Variants in CA1 observed in about 807,000 individuals in gnomAD.
The protein encoded by CA1 is carbonic anhydrase 1, also known as carbonate dehydratase I.
A neutral mutation model predicts 28.8 loss-of-function variants in CA1; 27 were observed. That is an observed-to-expected ratio of 0.94 (90% CI 0.69 to 1.29). The LOEUF is 1.29. CA1 is among the 50% of genes most tolerant of loss of function. CA1 has a pLI of 0.00. For missense variants in CA1, 335 were observed against 310.5 expected (o/e 1.08, Z -0.59); for synonymous variants, 121 against 108.8 (o/e 1.11, Z -0.70).
chr8:85,360,554 G>A (rs1490243498), intron 1 of CA1, among the ~76,000 whole-genome samples: 6 of 152,102 alleles, frequency 3.9e-5, no homozygotes, highest in Non-Finnish European at 8.8e-5. Flanking sequence ...TTAGCCAGGC[G>A]TGGTGGCATG....
At chr8:85,344,173 GTA>G (rs535481977) in intron 1 of CA1, among the ~76,000 whole-genome samples, 83 of 108,392 alleles carry the variant, frequency 7.7e-4, no homozygotes, top group East Asian at 4.0e-3. Context: ...ATTATATACT[GTA>G]TATAATATAT....
intron 2 of CA1, 146 bp from the exon 3 acceptor site, chr8:85,338,595 G>A: frequency 3.0e-6 from 2 of 674,916 alleles, no homozygotes; most frequent in South Asian, 1.7e-5. Flanking sequence ...GAAATTCTGT[G>A]TTTGAAGATG....
At chr8:85,347,192 G>A (rs896839067) in intron 1 of CA1, among the ~76,000 whole-genome samples, 1 of 152,140 alleles carries the variant, frequency 6.6e-6, no homozygotes, top group Non-Finnish European at 1.5e-5. Context: ...GTAATGACAT[G>A]TCTTTTCTTA....
At chr8:85,329,658 A>G in intron 7 of CA1, 31 bp downstream of exon 7, 1 of 1,581,208 alleles carries the variant, frequency 6.3e-7, no homozygotes, top group Non-Finnish European at 8.7e-7. Flanking sequence ...CCTGCTACGC[A>G]TTCCCAGTTC....
intron 1 of CA1, among the ~76,000 whole-genome samples, chr8:85,368,088 AAAG>A (rs1389856046): frequency 6.6e-6 from 1 of 151,968 alleles, no homozygotes; most frequent in African/African-American, 2.4e-5. Flanking sequence ...CAAAATATTG[AAAG>A]AAGAGAGGAC....
intron 7 of CA1, 149 bp downstream of exon 7, chr8:85,329,540 C>T: frequency 1.3e-6 from 1 of 774,454 alleles, no homozygotes; most frequent in East Asian, 2.7e-5. Flanking sequence ...GTTTAATAAA[C>T]CTATGTCCCC....
At chr8:85,349,991 G>A (rs932156069) in intron 1 of CA1, 2 of 152,168 alleles carry the variant, frequency 1.3e-5, no homozygotes, top group Non-Finnish European at 2.9e-5. Flanking sequence ...AGCAAGGTTT[G>A]AATGGAAATC....
chr8:85,354,758 G>A (rs1225885229), intron 1 of CA1, among the ~76,000 whole-genome samples: 3 of 152,152 alleles, frequency 2.0e-5, no homozygotes, highest in African/African-American at 7.2e-5. Flanking sequence ...TATAAAGAGA[G>A]AAAACAAGTT....
chr8:85,341,602 T>G lies in CA1; in HGVS notation c.34A>C (p.Asn12His), dbSNP rs1808934589. The G allele has an allele frequency of 1.3e-6, 2 of 1,589,890 alleles. No homozygotes were observed. Among genetic ancestry groups the G allele is most frequent in the African/African-American group, 2.7e-5 (2 of 74,430 alleles). Reference sequence around the variant, plus strand: ...ATATAAACAGGAGAACTCTTACCATTTTTGTCATCATATCCCCAGTCTGGA... The same window carrying G: ...ATATAAACAGGAGAACTCTTACCATGTTTGTCATCATATCCCCAGTCTGGA... The part of the protein sequence containing the change: ...ASPDWGYDDK[N>H]GPEQWSKLYP... The change falls in exon 2 of 8, where the codon AAT becomes CAT. Residue 12 changes from asparagine to histidine, a missense_variant. Physicochemically the swap from Asn to His is moderately conservative, Grantham distance 68. Coordinates refer to ENST00000523022, the MANE Select transcript of CA1 (RefSeq NM_001128831.4).
In CA1 at chr8:85,345,059, T is replaced by C. The variant is rs188740476; in HGVS notation, c.-24-3400A>G. Among the ~76,000 whole-genome samples the C allele has an allele frequency of 2.8e-3, 425 of 152,280 alleles. 1 individual carries two copies. Among genetic ancestry groups the C allele is most frequent in the Middle Eastern group, 0.01 (3 of 294 alleles). On this transcript the variant is annotated intron_variant, in intron 1 of 7. Coordinates refer to ENST00000523022, the MANE Select transcript of CA1 (RefSeq NM_001128831.4). ...TGATATTAGCCTGGACATTTCTGCA[T>C]TGAGACAACTAGAAATTCTGATTAA...
rs1808500267 is a variant in CA1, at chr8:85,333,522, C to T, written c.450+3G>A. On this transcript the variant is annotated splice_donor_region_variant and intron_variant, in intron 5 of 7. Transcript: ENST00000523022. ...CAGAGCTGTGTAATTATCTGTAACTCACCTTCATCAAAACACCAATAACTG... is the reference window on the plus strand; with the variant it reads ...CAGAGCTGTGTAATTATCTGTAACTTACCTTCATCAAAACACCAATAACTG... 6.3e-7 allele frequency: 1 copy of T among 1,588,582 alleles called. No individual in the cohort carries two copies. The highest frequency in any genetic ancestry group is 1.7e-5 in the Admixed American group (1 of 59,940).
intron 1 of CA1, among the ~76,000 whole-genome samples, chr8:85,344,080 A>AGTAT (rs1459745657): frequency 9.9e-5 from 5 of 50,650 alleles, no homozygotes; most frequent in Non-Finnish European, 1.9e-4. Flanking sequence ...CTAAACTAAA[A>AGTAT]GTATATATAT....
chr8:85,366,237 TC>T (rs1192786486), intron 1 of CA1, among the ~76,000 whole-genome samples: 1 of 148,430 alleles, frequency 6.7e-6, no homozygotes, highest in African/African-American at 2.5e-5. Context: ...GGTTTTGAAC[TC>T]CTGAGCTCAA....
chr8:85,340,585 C>G (rs930823890), intron 2 of CA1, among the ~76,000 whole-genome samples: 1 of 152,132 alleles, frequency 6.6e-6, no homozygotes, highest in Non-Finnish European at 1.5e-5. Context: ...TAAGAATACA[C>G]TTTGTAAGGC....
chr8:85,353,287 A>G (rs1052818311), intron 1 of CA1, among the ~76,000 whole-genome samples: 1 of 152,188 alleles, frequency 6.6e-6, no homozygotes, highest in Non-Finnish European at 1.5e-5. Context: ...GGATATTTTT[A>G]TTTATGATCT....
intron 1 of CA1, among the ~76,000 whole-genome samples, chr8:85,365,501 A>G (rs998004866): frequency 1.2e-4 from 19 of 152,218 alleles, no homozygotes; most frequent in African/African-American, 4.3e-4. Context: ...GGGAAGCCAA[A>G]TATGGACTTT....
chr8:85,344,195 TTATACAGTATATAATATAATTATATTA>T (rs1809049134), intron 1 of CA1, among the ~76,000 whole-genome samples: 1 of 111,284 alleles, frequency 9.0e-6, no homozygotes, highest in African/African-American at 5.2e-5. Context: ...TAATTATATA[TTATACAGTATATAATATAATTATATTA>T]TATACAGTAT....
chr8:85,364,911 G>A (rs1032042610), intron 1 of CA1, among the ~76,000 whole-genome samples: 1 of 152,216 alleles, frequency 6.6e-6, no homozygotes, highest in African/African-American at 2.4e-5. Context: ...AGAGAAAGGT[G>A]CTGAGGGTGG....
chr8:85,342,324 G>T lies in CA1; in HGVS notation c.-24-665C>A, dbSNP rs374186268. Among the ~76,000 whole-genome samples the T allele has an allele frequency of 3.3e-5, 5 of 152,092 alleles. No individual in the cohort carries two copies. The South Asian group carries it at 1.0e-3, about 32-fold the overall frequency. On this transcript the variant is annotated intron_variant, in intron 1 of 7. Coordinates refer to ENST00000523022, the MANE Select transcript of CA1 (RefSeq NM_001128831.4). ...ATCAAATAGGTCTACAAGAATAAAG[G>T]TCTTATTTTTTAATAGCTCTATATA...
Sources: gnomAD v4.1 joint callset for allele counts (sites outside exome capture counted in the v4.1 genomes callset) on GRCh38, gnomAD v4.1.1 for gene constraint, MANE v1.5 for transcripts, NCBI Gene and HGNC (gene_info 2026-07-23, HGNC 2026-07-21) for gene names.